Variants in SCN11A observed in about 807,000 individuals in gnomAD.
The protein encoded by SCN11A is sodium voltage-gated channel alpha subunit 11, also known as sodium channel protein type 11 subunit alpha.
SCN11A carries 122 observed loss-of-function variants against 162.2 expected under a neutral mutation model. The observed-to-expected ratio is 0.75, with a 90% CI of 0.65 to 0.87. The LOEUF (loss-of-function observed/expected upper bound fraction) is 0.87, where lower values mean the gene tolerates loss of function less well. Ranked by LOEUF, SCN11A falls within the 40% of genes least tolerant of loss-of-function variation. The pLI, the probability that SCN11A is intolerant of heterozygous loss-of-function variation, is 0.00. For synonymous variants in SCN11A, 758 were observed against 751.5 expected (o/e 1.01, Z -0.14); for missense variants, 2,015 against 2,181.6 (o/e 0.92, Z 1.52).
At chr3:39,033,391 C>T (rs2031817980) in intron 1 of SCN11A, among the ~76,000 whole-genome samples, 1 of 152,166 alleles carries the variant, frequency 6.6e-6, no homozygotes, top group African/African-American at 2.4e-5. Flanking sequence ...GTACAATCTA[C>T]ATTTTATTGC....
intron 7 of SCN11A, among the ~76,000 whole-genome samples, chr3:38,940,546 C>T (rs1161313782): frequency 6.6e-6 from 1 of 152,188 alleles, no homozygotes; most frequent in Non-Finnish European, 1.5e-5. Flanking sequence ...TAACATTTCA[C>T]ATCAGAGGAT....
chr3:39,009,343 TA>T (rs1430526483), intron 2 of SCN11A, among the ~76,000 whole-genome samples: 1 of 151,894 alleles, frequency 6.6e-6, no homozygotes, highest in East Asian at 1.9e-4. Context: ...ATGACCCATA[TA>T]ATCAAAAGCT....
chr3:38,938,550 A>ATT lies in SCN11A; in HGVS notation c.488+6859_488+6860dup, dbSNP rs71085342. On this transcript the variant is annotated intron_variant, in intron 7 of 29. Transcript: ENST00000302328. Reference sequence around the variant, plus strand: ...TATATATATATATATATATATATATATTTTTTTTTTTTTTTTTTTTTTTTT... The same window carrying ATT: ...TATATATATATATATATATATATATATTTTTTTTTTTTTTTTTTTTTTTTTTT... Among the ~76,000 whole-genome samples, 13 of 14,526 alleles carry ATT rather than the reference A, an allele frequency of 8.9e-4. 2 individuals are homozygous for ATT. Among genetic ancestry groups the ATT allele is most frequent in the South Asian group, 6.7e-3 (1 of 150 alleles). 9.5% of individuals were successfully genotyped at this position (14,526 alleles called of 152,430 possible).
intron 2 of SCN11A, among the ~76,000 whole-genome samples, chr3:38,987,722 A>G (rs1054879043): frequency 1.3e-5 from 2 of 152,198 alleles, no homozygotes; most frequent in African/African-American, 4.8e-5. Context: ...TGCAAAGAGC[A>G]GGCTCTGTGA....
chr3:38,920,376 G>A (rs568695342), intron 10 of SCN11A, among the ~76,000 whole-genome samples: 1 of 152,242 alleles, frequency 6.6e-6, no homozygotes, highest in East Asian at 1.9e-4. Flanking sequence ...GTCAACCTCA[G>A]CATGGAGAGG....
rs199522402 is a variant in SCN11A, at chr3:38,846,711, T to C, written c.5359A>G (p.Lys1787Glu). 317 of 1,613,882 alleles carry C rather than the reference T, an allele frequency of 2.0e-4. No homozygotes were observed. The highest frequency in any genetic ancestry group is 2.5e-4 in the Non-Finnish European group (291 of 1,179,944). Residue 1787 changes from lysine (K) to glutamate (E), a missense_variant, in exon 30 of 30, where the codon AAG becomes GAG. By Grantham distance (56) the Lys-to-Glu change is moderately conservative. Coordinates refer to ENST00000302328, the MANE Select transcript of SCN11A (RefSeq NM_001349253.2). The part of the protein sequence containing the change: ...DLSSFGVAKG[K>E]VHCD ...GTGAGGGCTCAGTCACAGTGGACCT[T>C]GCCCTTGGCCACCCCAAAGCTAGAC...
At chr3:39,018,587 G>A (rs1241978520) in intron 2 of SCN11A, among the ~76,000 whole-genome samples, 2 of 152,198 alleles carry the variant, frequency 1.3e-5, no homozygotes, top group Non-Finnish European at 2.9e-5. Context: ...TGGAGGCTGA[G>A]GTGGGTGGAT....
In SCN11A at chr3:38,894,594, T is replaced by C. The variant is rs372745114; in HGVS notation, c.2774A>G (p.Asp925Gly). Residue 925 changes from aspartate (D) to glycine (G), a missense_variant, in exon 19 of 30, where the codon GAC (aspartate) becomes GGC (glycine). Asp to Gly is a moderately conservative substitution (Grantham distance 94). Transcript: ENST00000302328. ...ATTATCTTCACCAGAAAATTCAACG[T>C]CATCTTCCTCCTCCGCAAGTGGTGC... Reference protein sequence around the residue: ...WLAPLAEEEDDVEFSGEDNAQ... With the variant: ...WLAPLAEEEDGVEFSGEDNAQ... The C allele has an allele frequency of 3.7e-6, 6 of 1,614,026 alleles. No homozygotes were observed. Among genetic ancestry groups the C allele is most frequent in the Non-Finnish European group, 5.1e-6 (6 of 1,179,960 alleles).
chr3:38,946,106 C>A (rs2066512540), intron 6 of SCN11A, among the ~76,000 whole-genome samples: 2 of 152,160 alleles, frequency 1.3e-5, no homozygotes, highest in African/African-American at 4.8e-5. Context: ...ATAATTCCTA[C>A]CTGCCTTTAC....
At chr3:38,885,827 C>T (rs746712047) in intron 20 of SCN11A, among the ~76,000 whole-genome samples, 2 of 152,188 alleles carry the variant, frequency 1.3e-5, no homozygotes, top group Non-Finnish European at 2.9e-5. Context: ...GACATTTTGG[C>T]AATGTCTAGA....
intron 22 of SCN11A, among the ~76,000 whole-genome samples, chr3:38,882,900 G>A (rs1172570244): frequency 1.3e-5 from 2 of 152,158 alleles, no homozygotes; most frequent in African/African-American, 4.8e-5. Context: ...AAGCACTGCT[G>A]TCTAGAGGAA....
intron 11 of SCN11A, 145 bp from the exon 12 acceptor site, chr3:38,910,352 C>T: frequency 1.5e-6 from 1 of 664,948 alleles, no homozygotes; most frequent in Non-Finnish European, 2.5e-6. Flanking sequence ...TGGCCCACTG[C>T]ACTGTCTGAC....
At chr3:39,028,292 G>C (rs999646933) in intron 2 of SCN11A, among the ~76,000 whole-genome samples, 1 of 152,176 alleles carries the variant, frequency 6.6e-6, no homozygotes, top group Non-Finnish European at 1.5e-5. Flanking sequence ...TGGCGGAGAA[G>C]GGATAGAGTT....
At chr3:38,927,969 C>T (rs1009155407) in intron 7 of SCN11A, among the ~76,000 whole-genome samples, 1 of 151,998 alleles carries the variant, frequency 6.6e-6, no homozygotes, top group Non-Finnish European at 1.5e-5. Context: ...AATAGAGAGC[C>T]CAGAAGTAAA....
intron 1 of SCN11A, among the ~76,000 whole-genome samples, chr3:39,046,229 C>T (rs145006684): frequency 0.015 from 2,172 of 144,190 alleles, 20 homozygotes; most frequent in Non-Finnish European, 0.019. Flanking sequence ...CACTGCACTC[C>T]AGCCTGGGCA....
intron 10 of SCN11A, 38 bp downstream of exon 10, chr3:38,921,038 G>T: frequency 1.3e-6 from 2 of 1,590,820 alleles, no homozygotes; most frequent in Non-Finnish European, 1.7e-6. Context: ...AGTTAACCAT[G>T]CAAAAACCAA....
rs1259707884 is a variant in SCN11A, at chr3:38,905,226, C to G, written c.1569G>C (p.Leu523=). 3.1e-6 allele frequency: 5 copies of G among 1,614,040 alleles called. No individual in the cohort carries two copies. Among genetic ancestry groups the G allele is most frequent in the Non-Finnish European group, 4.2e-6 (5 of 1,179,928 alleles). ...TGATGGTGAGGATGCTGACAGCACT[C>G]AGTGCTCTCTGCCTTTGGAGAGGAT... is the stretch of plus-strand genomic sequence containing the variant. ...HGDPLQRQRA[L]SAVSILTITM... is the part of the protein sequence containing the mutation. The change falls in exon 15 of 30, where the codon CTG becomes CTC. Residue 523 remains leucine, a synonymous_variant. Coordinates refer to ENST00000302328, the MANE Select transcript of SCN11A (RefSeq NM_001349253.2).
chr3:38,879,737 A>G (rs1284856852), intron 23 of SCN11A, among the ~76,000 whole-genome samples: 5 of 152,226 alleles, frequency 3.3e-5, no homozygotes, highest in Non-Finnish European at 7.3e-5. Context: ...GTGAGCATAT[A>G]AAGTGTAGTG....
chr3:38,979,834 C>T (rs1226368348), intron 2 of SCN11A, among the ~76,000 whole-genome samples: 2 of 152,220 alleles, frequency 1.3e-5, no homozygotes, highest in Non-Finnish European at 2.9e-5. Flanking sequence ...TGCCTCTTAG[C>T]TGAAAAACTG....
Sources: allele counts gnomAD v4.1 joint callset (sites outside exome capture counted in the v4.1 genomes callset), GRCh38; gene constraint gnomAD v4.1.1; transcripts MANE v1.5; gene names NCBI Gene and HGNC (gene_info 2026-07-23, HGNC 2026-07-21).